Variants in MTIF2 observed in about 807,000 individuals in gnomAD.
MTIF2 encodes mitochondrial translational initiation factor 2, also known as translation initiation factor IF-2, mitochondrial.
A neutral mutation model predicts 83.5 loss-of-function variants in MTIF2; 71 were observed. That is an observed-to-expected ratio of 0.85 (90% CI 0.70 to 1.04). MTIF2 has a LOEUF of 1.04. Among genes scored for constraint, MTIF2 ranks in the 50% least tolerant of loss-of-function variants. The pLI is 0.00. For synonymous variants in MTIF2, 319 were observed against 287.1 expected, an observed-to-expected ratio of 1.11 and a Z score of -1.12; for missense variants, 957 against 846.5, an observed-to-expected ratio of 1.13 and a Z score of -1.62.
Position 55,243,587 on chromosome 2 carries a change from C to A in MTIF2, c.1393G>T (p.Glu465Ter). 1 of 1,613,968 alleles carries A rather than the reference C, an allele frequency of 6.2e-7. No individual in the cohort carries two copies. The highest frequency in any genetic ancestry group is 8.5e-7 in the Non-Finnish European group (1 of 1,179,962). ...GCTTCTTTGTGTTCCTTTCGCTTTTCTTCTATTATTTTCAGATCCTCCTGA... is the reference window on the plus strand; with the variant it reads ...GCTTCTTTGTGTTCCTTTCGCTTTTATTCTATTATTTTCAGATCCTCCTGA... ...KGQEDLKIIEEKRKEHKEAHQ... is the reference protein window; with the variant it reads ...KGQEDLKIIE Residue 465 changes from glutamate to a stop codon, truncating the protein, a stop_gained, in exon 12 of 16, where the codon GAA (glutamate) becomes TAA (stop). Transcript: ENST00000263629. LOFTEE classifies it high-confidence loss of function.
intron 13 of MTIF2, among the ~76,000 whole-genome samples, chr2:55,242,654 T>C (rs984925418): frequency 6.6e-6 from 1 of 151,122 alleles, no homozygotes; most frequent in Middle Eastern, 3.2e-3. Context: ...CCAGGAGGAG[T>C]AGGGAGAGGG....
In MTIF2 at chr2:55,250,336, A is replaced by G. The variant is rs182484387; in HGVS notation, c.842-802T>C. ...ACACAGTTCAAACCCGTGATGTTCA[A>G]AGGTCAACTGTATTTTGGGTAGAAA... On this transcript the variant is annotated intron_variant, in intron 8 of 15. Transcript: ENST00000263629. Among the ~76,000 whole-genome samples the G allele has an allele frequency of 1.1e-3, 161 of 152,204 alleles. 2 individuals carry two copies. In the Middle Eastern group the frequency reaches 0.017, roughly 16 times the overall value.
chr2:55,262,282 C>T, intron 5 of MTIF2, 34 bp downstream of exon 5: 2 of 1,429,130 alleles, frequency 1.4e-6, no homozygotes, highest in Non-Finnish European at 2.0e-6. Context: ...TTCCAACATT[C>T]CCATATTTTG....
intron 4 of MTIF2, 109 bp from the exon 5 acceptor site, chr2:55,262,536 T>C (rs530727549): frequency 3.4e-5 from 16 of 476,322 alleles, no homozygotes; most frequent in African/African-American, 1.5e-4. Context: ...TCTTTCTTTT[T>C]TTTTCTTTTT....
intron 10 of MTIF2, among the ~76,000 whole-genome samples, chr2:55,245,314 G>C (rs1001355811): frequency 1.3e-5 from 2 of 152,126 alleles, no homozygotes; most frequent in Admixed American, 1.3e-4. Context: ...CTGAGGTCAG[G>C]AGTTTGAGAC....
In MTIF2 at chr2:55,262,352, T is replaced by C. The variant is rs376893700; in HGVS notation, c.295A>G (p.Ile99Val). ...TCCATTGCCCTGGCCAGTTCCTCAA[T>C]AGTCATTCCAATCCATACTTCTACC... ...KVVEVWIGMT[I>V]EELARAMEKN... Residue 99 changes from isoleucine to valine, a missense_variant, in exon 5 of 16, where the codon ATT becomes GTT. Transcript: ENST00000263629. 18 of 1,613,560 alleles carry C rather than the reference T, an allele frequency of 1.1e-5. No individual in the cohort carries two copies. The highest frequency in any genetic ancestry group is 8.0e-5 in the African/African-American group (6 of 74,888).
intron 5 of MTIF2, among the ~76,000 whole-genome samples, chr2:55,259,430 A>G (rs1050525984): frequency 5.9e-5 from 9 of 151,890 alleles, no homozygotes; most frequent in Non-Finnish European, 1.0e-4. Context: ...TATTTTAATC[A>G]TTCTATTTAT....
At chr2:55,249,846 C>T (rs1009629021) in intron 8 of MTIF2, among the ~76,000 whole-genome samples, 3 of 152,106 alleles carry the variant, frequency 2.0e-5, no homozygotes, top group Non-Finnish European at 2.9e-5. Context: ...AATCCTAGCA[C>T]TTTGGGAAGC....
At chr2:55,260,986 G>C (rs1020818476) in intron 5 of MTIF2, among the ~76,000 whole-genome samples, 7 of 151,342 alleles carry the variant, frequency 4.6e-5, no homozygotes, top group Admixed American at 4.6e-4. Flanking sequence ...ATTACTACCA[G>C]TATTTCTTTT....
chr2:55,248,426 T>A (rs181666085), intron 9 of MTIF2, among the ~76,000 whole-genome samples: 4 of 151,998 alleles, frequency 2.6e-5, no homozygotes, highest in African/African-American at 9.6e-5. Flanking sequence ...TAACCCACCA[T>A]CCCTTCAGTG....
Position 55,243,414 on chromosome 2 carries a change from A to G in MTIF2, c.1564+2T>C. On this transcript the variant is annotated splice_donor_variant, in intron 12 of 15. Coordinates refer to ENST00000263629, the MANE Select transcript of MTIF2 (RefSeq NM_002453.3). LOFTEE classifies it high-confidence loss of function. ...TGTAATGTAAAATCTTTAAAAAGATACCTTTAATAATCACAGAAAGTACAT... is the reference window on the plus strand; with the variant it reads ...TGTAATGTAAAATCTTTAAAAAGATGCCTTTAATAATCACAGAAAGTACAT... The G allele has an allele frequency of 3.1e-6, 5 of 1,590,920 alleles. No individual in the cohort carries two copies. The highest frequency in any genetic ancestry group is 4.3e-6 in the Non-Finnish European group (5 of 1,166,072).
chr2:55,255,873 G>T (rs1269050598), intron 5 of MTIF2, among the ~76,000 whole-genome samples: 2 of 151,688 alleles, frequency 1.3e-5, no homozygotes, highest in South Asian at 2.1e-4. Flanking sequence ...CCTGAGTACT[G>T]ATTTTTTTCT....
rs138471186 is a variant in MTIF2, at chr2:55,252,652, G to A, written c.666C>T (p.Val222=). The A allele has an allele frequency of 1.9e-5, 30 of 1,608,334 alleles. No homozygotes were observed. In the African/African-American group the frequency reaches 4.0e-4, roughly 22 times the overall value. The part of the protein sequence containing the change: ...GITQHIGAFL[V]SLPSGEKITF... ...TTATCTTTTCCCCAGAAGGCAGAGA[G>A]ACTGTGGAAACAGAAATTCAAGAAC... The change falls in exon 8 of 16, where the codon GTC becomes GTT. Residue 222 remains valine (V), a splice_region_variant and synonymous_variant. Coordinates refer to ENST00000263629, the MANE Select transcript of MTIF2 (RefSeq NM_002453.3).
intron 4 of MTIF2, among the ~76,000 whole-genome samples, chr2:55,263,390 G>T (rs1453252124): frequency 6.6e-6 from 1 of 152,082 alleles, no homozygotes; most frequent in Non-Finnish European, 1.5e-5. Context: ...ACTCAAAATG[G>T]ATTTGTACTC....
intron 7 of MTIF2, among the ~76,000 whole-genome samples, chr2:55,253,416 C>T (rs182884603): frequency 2.5e-4 from 38 of 152,312 alleles, no homozygotes; most frequent in African/African-American, 8.2e-4. Context: ...CGGTGGCTCA[C>T]ACCTGTAATC....
chr2:55,249,949 C>T (rs984436080), intron 8 of MTIF2, among the ~76,000 whole-genome samples: 1 of 151,980 alleles, frequency 6.6e-6, no homozygotes, highest in Non-Finnish European at 1.5e-5. Context: ...AAAAATTAGC[C>T]GGGCGTGGTG....
rs1573920887 is a variant in MTIF2 at position 55,262,952 on chromosome 2, C to T, written c.220-525G>A. Reference sequence around the variant, plus strand: ...CCATGTTGGCCAGGCTAGTCTTGAACTCTTGATCTTGTGATCCGCCTGCCT... The same window carrying T: ...CCATGTTGGCCAGGCTAGTCTTGAATTCTTGATCTTGTGATCCGCCTGCCT... On this transcript the variant is annotated intron_variant, in intron 4 of 15. Transcript: ENST00000263629. Among the ~76,000 whole-genome samples the T allele has an allele frequency of 2.0e-5, 3 of 152,330 alleles. No homozygotes were observed. The South Asian group carries it at 6.2e-4, about 32-fold the overall frequency.
chr2:55,258,875 G>C (rs181923819), intron 5 of MTIF2, among the ~76,000 whole-genome samples: 6 of 151,574 alleles, frequency 4.0e-5, no homozygotes, highest in Admixed American at 1.3e-4. Context: ...AGCTATTCAG[G>C]AGGCTGAAGC....
chr2:55,264,072 A>G (rs1274162898), intron 3 of MTIF2, among the ~76,000 whole-genome samples: 1 of 152,216 alleles, frequency 6.6e-6, no homozygotes, highest in Non-Finnish European at 1.5e-5. Flanking sequence ...AGCTATTATT[A>G]TTACTGTTAA....
Sources: allele counts gnomAD v4.1 joint callset (sites outside exome capture counted in the v4.1 genomes callset), GRCh38; gene constraint gnomAD v4.1.1; transcripts MANE v1.5; gene names NCBI Gene and HGNC (gene_info 2026-07-23, HGNC 2026-07-21).